Variants in TRPC5 observed in about 807,000 individuals in gnomAD.
The protein encoded by TRPC5 is short transient receptor potential channel 5.
Under a neutral mutation model 56.5 loss-of-function variants are expected in TRPC5, and 9 were observed. That is an observed-to-expected ratio of 0.16 (90% CI 0.10 to 0.28). TRPC5 has a LOEUF of 0.28. TRPC5 is among the 10% of genes least tolerant of loss of function. The pLI is 1.00. For missense variants in TRPC5, 469 were observed against 748.9 expected (o/e 0.63, Z 4.36); for synonymous variants, 282 against 278.5 (o/e 1.01, Z -0.13).
At chrX:111,908,924 G>A (rs1412424797) in intron 3 of TRPC5, among the ~76,000 whole-genome samples, 1 of 110,105 alleles carries the variant, frequency 9.1e-6, no homozygotes, top group Non-Finnish European at 1.9e-5. Flanking sequence ...ATCACCTGAG[G>A]CCAGGAGTTT....
intron 1 of TRPC5, among the ~76,000 whole-genome samples, chrX:112,051,996 A>C (rs945568135): frequency 8.9e-6 from 1 of 111,837 alleles, no homozygotes; most frequent in Non-Finnish European, 1.9e-5. Flanking sequence ...TTGTATGTAT[A>C]TGTCACATTT....
chrX:111,993,444 A>G (rs752306766), intron 1 of TRPC5, among the ~76,000 whole-genome samples: 2 of 112,042 alleles, frequency 1.8e-5, no homozygotes, highest in Admixed American at 1.9e-4. Flanking sequence ...ATCAAATGGT[A>G]TTTCTAGTTA....
intron 1 of TRPC5, among the ~76,000 whole-genome samples, chrX:112,011,165 A>C (rs756057743): frequency 9.0e-6 from 1 of 111,686 alleles, no homozygotes; most frequent in South Asian, 3.8e-4. Flanking sequence ...GCTGTCTTTG[A>C]GCAACCTCTG....
intron 3 of TRPC5, among the ~76,000 whole-genome samples, chrX:111,901,073 A>C (rs967531142): frequency 9.0e-6 from 1 of 111,507 alleles, no homozygotes; most frequent in South Asian, 3.7e-4. Context: ...TAGTTTTATA[A>C]CTGAAATTCT....
intron 3 of TRPC5, among the ~76,000 whole-genome samples, chrX:111,898,950 A>G (rs1174802421): frequency 9.0e-6 from 1 of 110,584 alleles, no homozygotes; most frequent in Admixed American, 9.7e-5. Context: ...AAGGCTAGGC[A>G]TAAACTATCC....
chrX:112,034,393 G>T (rs1602403609), intron 1 of TRPC5, among the ~76,000 whole-genome samples: 1 of 99,268 alleles, frequency 1.0e-5, no homozygotes. Context: ...TGATTTTTTT[G>T]CATACTATGG....
At chrX:112,028,383 A>G (rs139999750) in intron 1 of TRPC5, among the ~76,000 whole-genome samples, 3,111 of 111,188 alleles carry the variant, frequency 0.028, 120 homozygotes, top group African/African-American at 0.097. Context: ...GCATCAACTC[A>G]TCATTTACAT....
intron 7 of TRPC5, among the ~76,000 whole-genome samples, chrX:111,820,228 C>A (rs767949311): frequency 8.9e-6 from 1 of 111,799 alleles, no homozygotes; most frequent in Admixed American, 9.5e-5. Context: ...CCCTATCAAT[C>A]AGTGAAAAGG....
intron 1 of TRPC5, among the ~76,000 whole-genome samples, chrX:112,037,970 C>A (rs979751653): frequency 9.0e-6 from 1 of 111,197 alleles, no homozygotes; most frequent in Admixed American, 9.5e-5. Flanking sequence ...CAGTTTGTGA[C>A]CCCCAGAAGC....
intron 1 of TRPC5, among the ~76,000 whole-genome samples, chrX:112,077,818 CT>C: frequency 8.9e-6 from 1 of 112,151 alleles, no homozygotes; most frequent in East Asian, 2.8e-4. Context: ...GTCTGCAAAC[CT>C]TTCCTTCTTC....
In TRPC5 at chrX:111,907,355, G is replaced by A. The variant is rs189522272; in HGVS notation, c.900+4936C>T. Among the ~76,000 whole-genome samples the A allele has an allele frequency of 2.4e-3, 272 of 111,272 alleles. 5 individuals are homozygous for A. The highest frequency in any genetic ancestry group is 1.7e-3 in the Non-Finnish European group (89 of 53,099). On this transcript the variant is annotated intron_variant, in intron 3 of 10. Coordinates refer to ENST00000262839, the MANE Select transcript of TRPC5 (RefSeq NM_012471.3). Reference sequence around the variant, plus strand: ...CATAATGCGAGCATAGGACTGGCGCGGTGGCTCATCCCTATAATCCAAGCA... The same window carrying A: ...CATAATGCGAGCATAGGACTGGCGCAGTGGCTCATCCCTATAATCCAAGCA...
At chrX:112,049,140 G>A (rs989247556) in intron 1 of TRPC5, among the ~76,000 whole-genome samples, 7 of 111,858 alleles carry the variant, frequency 6.3e-5, no homozygotes, top group African/African-American at 2.3e-4. Context: ...TTTTAGAAAT[G>A]AGATGGTTTA....
chrX:111,873,540 T>C (rs1451192546), intron 3 of TRPC5, among the ~76,000 whole-genome samples: 1 of 111,129 alleles, frequency 9.0e-6, no homozygotes, highest in South Asian at 3.8e-4. Flanking sequence ...CCCAGCACTT[T>C]GGGAGGCTAA....
chrX:111,791,263 G>A (rs1004623333), intron 7 of TRPC5, among the ~76,000 whole-genome samples: 10 of 110,451 alleles, frequency 9.1e-5, no homozygotes, highest in East Asian at 5.7e-4. Flanking sequence ...GACTCAGCCC[G>A]TTGATGTCAG....
chrX:111,829,099 C>T (rs747369834), intron 7 of TRPC5, among the ~76,000 whole-genome samples: 14 of 109,739 alleles, frequency 1.3e-4, no homozygotes, highest in Non-Finnish European at 2.5e-4. Flanking sequence ...GTCAGGCATT[C>T]GAGACCAGCC....
intron 7 of TRPC5, among the ~76,000 whole-genome samples, 163 bp from the exon 8 acceptor site, chrX:111,782,301 A>G (rs1159948636): frequency 8.9e-6 from 1 of 112,301 alleles, no homozygotes; most frequent in African/African-American, 3.2e-5. Flanking sequence ...ACTCTTAGAA[A>G]TATATCTTAT....
chrX:112,054,998 A>G (rs1219843134), intron 1 of TRPC5, among the ~76,000 whole-genome samples: 1 of 111,689 alleles, frequency 9.0e-6, no homozygotes, highest in Non-Finnish European at 1.9e-5. Context: ...GAAGGATCCT[A>G]AGGGAAGCAT....
intron 1 of TRPC5, among the ~76,000 whole-genome samples, chrX:111,988,594 T>G (rs1257485589): frequency 2.7e-5 from 3 of 111,003 alleles, no homozygotes; most frequent in Non-Finnish European, 5.7e-5. Flanking sequence ...CTAAGCATTC[T>G]TAGGAGTATG....
chrX:111,794,995 T>G (rs1484669202), intron 7 of TRPC5, among the ~76,000 whole-genome samples: 1 of 111,769 alleles, frequency 8.9e-6, no homozygotes, highest in African/African-American at 3.2e-5. Flanking sequence ...TGACCTTGCA[T>G]TCTGTGGCCT....
Sources: gnomAD v4.1 joint callset for allele counts (sites outside exome capture counted in the v4.1 genomes callset) on GRCh38, gnomAD v4.1.1 for gene constraint, MANE v1.5 for transcripts, NCBI Gene and HGNC (gene_info 2026-07-23, HGNC 2026-07-21) for gene names.